INPP4A: variants seen among roughly 807,000 people sequenced by gnomAD.
The protein encoded by INPP4A is inositol polyphosphate-4-phosphatase, type I, 107kD.
A neutral mutation model predicts 119.8 loss-of-function variants in INPP4A; 33 were observed. That is an observed-to-expected ratio of 0.28 (90% CI 0.21 to 0.37). The LOEUF (loss-of-function observed/expected upper bound fraction) is 0.37, where lower values mean the gene tolerates loss of function less well. Among genes scored for constraint, INPP4A ranks in the 10% least tolerant of loss-of-function variants. The probability of loss-of-function intolerance (pLI) is 1.00; values close to 1 mark genes in which losing one functional copy is unlikely to be tolerated. For synonymous variants in INPP4A, 496 were observed against 500.7 expected (o/e 0.99, Z 0.12); for missense variants, 956 against 1,289.9 (o/e 0.74, Z 3.97).
chr2:98,509,231 C>G (rs574580237), intron 1 of INPP4A, among the ~76,000 whole-genome samples: 72 of 152,328 alleles, frequency 4.7e-4, no homozygotes, highest in African/African-American at 1.6e-3. Flanking sequence ...CCCCGGGCTG[C>G]AGACCAGTAC....
chr2:98,554,211 G>A lies in INPP4A; in HGVS notation c.1348-60G>A. 7.6e-7 allele frequency: 1 copy of A among 1,321,244 alleles called. No homozygotes were observed. The highest frequency in any genetic ancestry group is 2.5e-5 in the East Asian group (1 of 39,810). 81.8% of individuals were successfully genotyped at this position (1,321,244 alleles called of 1,614,324 possible). A position where few individuals can be genotyped will look rare whatever the true frequency, so the allele number is the denominator to read the frequency against. ...GCCCATTCTCCATTTCTGAGATAAGGCAGGGGCCTCCCCAGCCCCTGGCCT... is the reference window on the plus strand; with the variant it reads ...GCCCATTCTCCATTTCTGAGATAAGACAGGGGCCTCCCCAGCCCCTGGCCT... On this transcript the variant is annotated intron_variant, in intron 14 of 24. Coordinates refer to ENST00000409851, the MANE Select transcript of INPP4A (RefSeq NM_001134225.2). This position sits in a 1 kb window ranked among gnomAD's most constrained non-coding sequence, Gnocchi z 4.7.
intron 13 of INPP4A, among the ~76,000 whole-genome samples, chr2:98,549,368 C>G (rs185361036): frequency 6.6e-6 from 1 of 152,120 alleles, no homozygotes; most frequent in East Asian, 1.9e-4. Context: ...TTCACTATTA[C>G]CTCTTATACA....
intron 1 of INPP4A, among the ~76,000 whole-genome samples, chr2:98,511,365 A>G (rs1281137968): frequency 6.6e-6 from 1 of 152,206 alleles, no homozygotes; most frequent in African/African-American, 2.4e-5. Context: ...TCTAAAGCAC[A>G]TTACTTTCCT....
At chr2:98,550,860 G>A (rs1693381372) in intron 13 of INPP4A, among the ~76,000 whole-genome samples, 1 of 152,178 alleles carries the variant, frequency 6.6e-6, no homozygotes, top group Non-Finnish European at 1.5e-5. Context: ...ATTTGTTGAA[G>A]GGTACACAGC....
Position 98,563,588 on chromosome 2 carries a change from C to T in INPP4A, c.1979C>T (p.Ala660Val). The change falls in exon 18 of 25, where the codon GCC (alanine) becomes GTC (valine). Residue 660 changes from alanine (A) to valine (V), a missense_variant. Ala to Val is a moderately conservative substitution (Grantham distance 64). Transcript: ENST00000409851. ...LLMQDSAPTI[A>V]TYLSLQYRRD... ...ATGCAGGACAGCGCGCCCACCATAGCCACCTACCTGAGCCTGCAGTACCGC... is the reference window on the plus strand; with the variant it reads ...ATGCAGGACAGCGCGCCCACCATAGTCACCTACCTGAGCCTGCAGTACCGC... 6.2e-7 allele frequency: 1 copy of T among 1,613,584 alleles called. No homozygotes were observed. The highest frequency in any genetic ancestry group is 1.3e-5 in the African/African-American group (1 of 75,030).
At chr2:98,493,391 A>G (rs1022370649) in intron 1 of INPP4A, among the ~76,000 whole-genome samples, 1 of 149,794 alleles carries the variant, frequency 6.7e-6, no homozygotes, top group Non-Finnish European at 1.5e-5. Flanking sequence ...ACTAATCAGG[A>G]TATATGTCTG....
At chr2:98,453,813 ATCC>A (rs1695625228) in intron 1 of INPP4A, among the ~76,000 whole-genome samples, 1 of 152,106 alleles carries the variant, frequency 6.6e-6, no homozygotes, top group African/African-American at 2.4e-5. Context: ...TCTGAGCCAA[ATCC>A]TCCTGATGAG....
At chr2:98,500,020 C>A (rs1682804541) in intron 1 of INPP4A, among the ~76,000 whole-genome samples, 1 of 152,254 alleles carries the variant, frequency 6.6e-6, no homozygotes, top group Admixed American at 6.5e-5. Flanking sequence ...CCGGGGGAAA[C>A]CTTCCCAGTG....
rs1483846104 is a variant in INPP4A, at chr2:98,467,666, A to G, written c.-166+22581A>G. ...CTTAAGTTAGAGTTTTTGCATATAC[A>G]TCCCACACATACACTTGCATTTGAT... is the stretch of plus-strand genomic sequence containing the variant. On this transcript the variant is annotated intron_variant, in intron 1 of 24. Transcript: ENST00000409851. Among the ~76,000 whole-genome samples, 4 of 152,182 alleles carry G rather than the reference A, an allele frequency of 2.6e-5. No individual in the cohort carries two copies. The East Asian group carries it at 7.7e-4, about 29-fold the overall frequency.
intron 17 of INPP4A, 61 bp from the exon 18 acceptor site, chr2:98,563,404 G>A: frequency 1.3e-6 from 2 of 1,493,652 alleles, no homozygotes; most frequent in Non-Finnish European, 1.8e-6. Context: ...TTGTTAAATT[G>A]CCAGAACCTA....
intron 5 of INPP4A, among the ~76,000 whole-genome samples, chr2:98,534,493 T>C (rs984563944): frequency 6.6e-6 from 1 of 152,184 alleles, no homozygotes; most frequent in Admixed American, 6.5e-5. Flanking sequence ...GGCCCAAGAC[T>C]GCATTTCTTA....
At chr2:98,553,097 C>T (rs1693824247) in intron 14 of INPP4A, 128 bp downstream of exon 14, 2 of 748,422 alleles carry the variant, frequency 2.7e-6, no homozygotes, top group Admixed American at 2.9e-5. Context: ...TGAAGGTCTA[C>T]CTTAGGTCCA....
rs1371930287 is a variant in INPP4A at position 98,592,275 on chromosome 2, C to T, written c.*4667C>T. On this transcript the variant is annotated 3_prime_UTR_variant, in exon 25 of 25. Coordinates refer to ENST00000409851, the MANE Select transcript of INPP4A (RefSeq NM_001134225.2). Reference sequence around the variant, plus strand: ...CTGCTCTGCTGTGCACAGAAGGAACCCCAGCCCAGAAGCACACGCTCCCTG... The same window carrying T: ...CTGCTCTGCTGTGCACAGAAGGAACTCCAGCCCAGAAGCACACGCTCCCTG... The T allele has an allele frequency of 2.0e-5, 3 of 152,338 alleles. No homozygotes were observed. Among genetic ancestry groups the T allele is most frequent in the Non-Finnish European group, 4.4e-5 (3 of 68,164 alleles). 9.4% of individuals were successfully genotyped at this position (152,338 alleles called of 1,614,324 possible).
intron 5 of INPP4A, among the ~76,000 whole-genome samples, chr2:98,535,013 C>T (rs1483072758): frequency 6.6e-6 from 1 of 152,162 alleles, no homozygotes; most frequent in Non-Finnish European, 1.5e-5. Context: ...CAGCAGCCCA[C>T]CCAGGTGGAG....
intron 1 of INPP4A, among the ~76,000 whole-genome samples, chr2:98,479,671 G>A (rs532674186): frequency 1.3e-5 from 2 of 152,288 alleles, no homozygotes; most frequent in East Asian, 1.9e-4. Flanking sequence ...CATCTGACAC[G>A]CACCAGCTTT....
intron 17 of INPP4A, among the ~76,000 whole-genome samples, chr2:98,561,729 G>A (rs1695509357): frequency 6.6e-6 from 1 of 152,206 alleles, no homozygotes; most frequent in Admixed American, 6.5e-5. Context: ...AAATAATCAT[G>A]ATTTTCATGA....
chr2:98,522,285 T>TG (rs1687357416), intron 4 of INPP4A, among the ~76,000 whole-genome samples: 1 of 119,642 alleles, frequency 8.4e-6, no homozygotes, highest in African/African-American at 3.2e-5. Flanking sequence ...AGACTCTGTC[T>TG]CAAAAAAAAA....
Position 98,544,321 on chromosome 2 carries a change from C to T in INPP4A, c.949+314C>T, listed in dbSNP as rs989582123. Among the ~76,000 whole-genome samples the T allele has an allele frequency of 4.6e-5, 7 of 152,232 alleles. No homozygotes were observed. In the East Asian group the frequency reaches 9.6e-4, roughly 21 times the overall value. ...ATGAAATTTAGGGGAGGCGAAATCC[C>T]GGGCTATTACTGCTTCATGTTGTTT... On this transcript the variant is annotated intron_variant, in intron 11 of 24. Transcript: ENST00000409851.
intron 1 of INPP4A, among the ~76,000 whole-genome samples, chr2:98,487,812 G>A (rs769450219): frequency 2.0e-5 from 3 of 152,234 alleles, no homozygotes; most frequent in Admixed American, 6.5e-5. Context: ...GAGCTGGCAA[G>A]CTCTGATTGG....
Sources: gnomAD v4.1 joint callset for allele counts (sites outside exome capture counted in the v4.1 genomes callset) on GRCh38, gnomAD v4.1.1 for gene constraint, Gnocchi (gnomAD v3.1) non-coding constraint, MANE v1.5 for transcripts, NCBI Gene and HGNC (gene_info 2026-07-23, HGNC 2026-07-21) for gene names.